The following FAT3 variants were observed in gnomAD, a reference collection of about 807,000 sequenced individuals.
The protein encoded by FAT3 is FAT atypical cadherin 3.
A neutral mutation model predicts 310.2 loss-of-function variants in FAT3; 95 were observed. That is an observed-to-expected ratio of 0.31 (90% CI 0.26 to 0.36). FAT3 has a LOEUF of 0.36. FAT3 is among the 10% of genes least tolerant of loss of function. FAT3 has a pLI of 1.00. For synonymous variants in FAT3, 2,314 were observed against 2,192.9 expected, an observed-to-expected ratio of 1.06 and a Z score of -1.54; for missense variants, 5,408 against 5,715.6, an observed-to-expected ratio of 0.95 and a Z score of 1.74.
chr11:92,303,554 T>C (rs1210410455), intron 1 of FAT3, among the ~76,000 whole-genome samples: 1 of 152,122 alleles, frequency 6.6e-6, no homozygotes, highest in East Asian at 1.9e-4. Context: ...TCCTGCACTT[T>C]CAACCAAGTG....
chr11:92,687,198 T>TGA (rs1943659234), intron 3 of FAT3, among the ~76,000 whole-genome samples: 1 of 152,200 alleles, frequency 6.6e-6, no homozygotes, highest in African/African-American at 2.4e-5. Flanking sequence ...TACAAGCCAC[T>TGA]GTGCCAAGCA....
chr11:92,872,223 G>A (rs189466167), intron 22 of FAT3, among the ~76,000 whole-genome samples: 33 of 152,272 alleles, frequency 2.2e-4, no homozygotes, highest in Admixed American at 1.3e-3. Flanking sequence ...TGTAAGAATC[G>A]AGATAAATTT....
chr11:92,844,840 A>T (rs1948647614), intron 19 of FAT3, 108 bp downstream of exon 19: 1 of 1,265,822 alleles, frequency 7.9e-7, no homozygotes, highest in Non-Finnish European at 1.1e-6. Flanking sequence ...TAAATATTAA[A>T]TGATCAATTA....
chr11:92,558,402 A>ATGTGTG (rs58362077), intron 3 of FAT3, among the ~76,000 whole-genome samples: 21,915 of 150,040 alleles, frequency 0.15, 1,730 homozygotes, highest in East Asian at 0.26. Context: ...TGTTGTGTTT[A>ATGTGTG]TGTGTGTGTG....
At chr11:92,751,354 A>G (rs1945822945) in intron 4 of FAT3, among the ~76,000 whole-genome samples, 2 of 152,216 alleles carry the variant, frequency 1.3e-5, no homozygotes, top group South Asian at 4.1e-4. Context: ...AAGAGTGCCT[A>G]CATGTGGTTA....
At chr11:92,788,195 T>C (rs1232512671) in intron 7 of FAT3, among the ~76,000 whole-genome samples, 2 of 152,148 alleles carry the variant, frequency 1.3e-5, no homozygotes, top group African/African-American at 4.8e-5. Context: ...TATCAAAGAA[T>C]ACTAGAGTTA....
intron 3 of FAT3, among the ~76,000 whole-genome samples, chr11:92,662,005 C>T (rs1312054851): frequency 6.6e-6 from 1 of 152,096 alleles, no homozygotes; most frequent in Non-Finnish European, 1.5e-5. Flanking sequence ...AGCAGAAGAA[C>T]TCTATTTTTT....
chr11:92,826,138 G>A (rs1948098776), intron 13 of FAT3, among the ~76,000 whole-genome samples: 1 of 152,162 alleles, frequency 6.6e-6, no homozygotes, highest in South Asian at 2.1e-4. Context: ...AAGTGTCATA[G>A]CCTGTGTCTC....
At chr11:92,309,384 G>GCACACACACA (rs59596533) in intron 1 of FAT3, among the ~76,000 whole-genome samples, 2 of 145,002 alleles carry the variant, frequency 1.4e-5, no homozygotes, top group Non-Finnish European at 3.0e-5. Flanking sequence ...ACACACGCAT[G>GCACACACACA]CACACACACA....
chr11:92,765,901 G>GA (rs1946297165), intron 6 of FAT3, among the ~76,000 whole-genome samples: 1 of 151,952 alleles, frequency 6.6e-6, no homozygotes, highest in Non-Finnish European at 1.5e-5. Flanking sequence ...TTTTCCAATG[G>GA]AAAAAGAAAT....
rs747997248 is a variant in FAT3, at chr11:92,800,691, C to T, written c.7678C>T (p.Arg2560Trp). 2.7e-5 allele frequency: 43 copies of T among 1,613,724 alleles called. No homozygotes were observed. Among genetic ancestry groups the T allele is most frequent in the African/African-American group, 6.7e-5 (5 of 75,028 alleles). Residue 2560 changes from arginine to tryptophan, a missense_variant, in exon 10 of 28, where the codon CGG becomes TGG. Coordinates refer to ENST00000525166, the MANE Select transcript of FAT3 (RefSeq NM_001367949.2). ...GGTCATCACCACAGAAAGGCTAGAC[C>T]GGGAAAACCCTCTAGAAGGGGATGT... ...GQVITTERLDRENPLEGDVSI... is the reference protein window; with the variant it reads ...GQVITTERLDWENPLEGDVSI...
intron 4 of FAT3, among the ~76,000 whole-genome samples, chr11:92,754,005 G>A (rs1945902614): frequency 6.6e-6 from 1 of 151,830 alleles, no homozygotes; most frequent in Non-Finnish European, 1.5e-5. Context: ...GTGGAGGAGG[G>A]ATAAAATACT....
At chr11:92,262,470 C>G (rs986774682) in intron 1 of FAT3, among the ~76,000 whole-genome samples, 1 of 152,064 alleles carries the variant, frequency 6.6e-6, no homozygotes, top group Non-Finnish European at 1.5e-5. Flanking sequence ...GACCCAATCC[C>G]TGAGCCATTA....
At chr11:92,458,623 TC>T (rs1951560045) in intron 2 of FAT3, among the ~76,000 whole-genome samples, 2 of 152,202 alleles carry the variant, frequency 1.3e-5, no homozygotes, top group Non-Finnish European at 2.9e-5. Context: ...TCTGACCTGC[TC>T]AGTTTCCATG....
intron 3 of FAT3, among the ~76,000 whole-genome samples, chr11:92,653,077 T>G (rs1174959047): frequency 6.6e-6 from 1 of 152,208 alleles, no homozygotes; most frequent in Admixed American, 6.5e-5. Context: ...GAGACTCTCT[T>G]GAACCCAGGA....
chr11:92,528,774 G>A (rs1012123008), intron 3 of FAT3, among the ~76,000 whole-genome samples: 1 of 152,134 alleles, frequency 6.6e-6, no homozygotes, highest in Admixed American at 6.5e-5. Flanking sequence ...CTAGGGCTTT[G>A]GAAGGTTTAT....
At chr11:92,304,756 A>T (rs527796392) in intron 1 of FAT3, among the ~76,000 whole-genome samples, 2 of 152,066 alleles carry the variant, frequency 1.3e-5, no homozygotes, top group South Asian at 4.1e-4. Flanking sequence ...GAGACAGGGC[A>T]CAAATGAAGC....
intron 1 of FAT3, among the ~76,000 whole-genome samples, chr11:92,294,899 G>A (rs1946808834): frequency 6.6e-6 from 1 of 152,028 alleles, no homozygotes; most frequent in South Asian, 2.1e-4. Context: ...AGACATCATT[G>A]AAAGATTTAG....
chr11:92,397,835 T>A (rs1042325439), intron 2 of FAT3, among the ~76,000 whole-genome samples: 47 of 152,180 alleles, frequency 3.1e-4, no homozygotes, highest in African/African-American at 1.0e-3. Context: ...TTGCCTGTGT[T>A]ATGGAATACT....
Sources: allele counts gnomAD v4.1 joint callset (sites outside exome capture counted in the v4.1 genomes callset), GRCh38; gene constraint gnomAD v4.1.1; transcripts MANE v1.5; gene names NCBI Gene and HGNC (gene_info 2026-07-23, HGNC 2026-07-21).